Variants in MAST4 observed in about 807,000 individuals in gnomAD.
The protein encoded by MAST4 is microtubule associated serine/threonine kinase family member 4, also known as microtubule-associated serine/threonine-protein kinase 4.
MAST4 carries 89 observed loss-of-function variants against 162.7 expected under a neutral mutation model. The observed-to-expected ratio is 0.55, with a 90% CI of 0.46 to 0.65. MAST4 has a LOEUF of 0.65. MAST4 is among the 30% of genes least tolerant of loss of function. The pLI, the probability that MAST4 is intolerant of heterozygous loss-of-function variation, is 0.00. For missense variants in MAST4, 3,153 were observed against 3,374.0 expected (o/e 0.93, Z 1.62); for synonymous variants, 1,479 against 1,361.1 (o/e 1.09, Z -1.91).
intron 1 of MAST4, among the ~76,000 whole-genome samples, chr5:66,641,868 G>C (rs952245224): frequency 6.6e-6 from 1 of 152,110 alleles, no homozygotes; most frequent in Non-Finnish European, 1.5e-5. Context: ...TGAAGGATTG[G>C]CTTGTTACTT....
At chr5:66,803,241 C>G (rs879691197) in intron 3 of MAST4, among the ~76,000 whole-genome samples, 1 of 152,116 alleles carries the variant, frequency 6.6e-6, no homozygotes, top group Admixed American at 6.6e-5. Context: ...ATTTTGTAGT[C>G]GGTCAATCCA....
At chr5:67,121,619 G>A (rs1204834970) in intron 14 of MAST4, among the ~76,000 whole-genome samples, 2 of 150,888 alleles carry the variant, frequency 1.3e-5, no homozygotes, top group African/African-American at 4.9e-5. Flanking sequence ...CACACTGGGA[G>A]AAGAACTGTC....
intron 1 of MAST4, among the ~76,000 whole-genome samples, chr5:66,634,778 G>T (rs1011089096): frequency 6.6e-6 from 1 of 152,346 alleles, no homozygotes; most frequent in South Asian, 2.1e-4. Flanking sequence ...GTTGGGCTGG[G>T]CCCAAGGTAG....
chr5:66,824,496 A>G (rs1030536494), intron 3 of MAST4, among the ~76,000 whole-genome samples: 2 of 152,240 alleles, frequency 1.3e-5, no homozygotes, highest in Admixed American at 1.3e-4. Flanking sequence ...GGCCAGTGGA[A>G]TGGAGTGGGA....
chr5:66,701,069 TTAAG>T (rs1156306795), intron 1 of MAST4, among the ~76,000 whole-genome samples: 5 of 152,176 alleles, frequency 3.3e-5, no homozygotes, highest in Non-Finnish European at 7.4e-5. Context: ...ATTAATGTAA[TTAAG>T]TAATTACCAA....
chr5:66,640,014 T>C (rs1745382558), intron 1 of MAST4, among the ~76,000 whole-genome samples: 1 of 152,206 alleles, frequency 6.6e-6, no homozygotes, highest in African/African-American at 2.4e-5. Context: ...ATAGTCCCCA[T>C]GCTGTACATT....
At chr5:66,922,357 A>G (rs1764596506) in intron 4 of MAST4, among the ~76,000 whole-genome samples, 1 of 152,240 alleles carries the variant, frequency 6.6e-6, no homozygotes, top group African/African-American at 2.4e-5. Context: ...AAAGAGAAAT[A>G]GCCTCTTTCC....
chr5:66,826,901 G>C (rs1757289812), intron 3 of MAST4, among the ~76,000 whole-genome samples: 1 of 152,158 alleles, frequency 6.6e-6, no homozygotes. Flanking sequence ...TTGACATTCA[G>C]GGAACTTTCT....
chr5:66,930,576 A>G (rs1402558632), intron 4 of MAST4, among the ~76,000 whole-genome samples: 1 of 152,210 alleles, frequency 6.6e-6, no homozygotes, highest in Admixed American at 6.5e-5. Context: ...AAGTATATCA[A>G]TGAGGAGTAT....
rs755763678 is a variant in MAST4, at chr5:67,165,582, C to T, written c.6403C>T (p.Pro2135Ser). 6.2e-7 allele frequency: 1 copy of T among 1,613,890 alleles called. No individual in the cohort carries two copies. The highest frequency in any genetic ancestry group is 8.5e-7 in the Non-Finnish European group (1 of 1,179,834). ...PLQRHPSSIPPPPLTAKDLSS... is the reference protein window; with the variant it reads ...PLQRHPSSIPSPPLTAKDLSS... ...ACAAAGGCATCCCAGCAGCATCCCT[C>T]CGCCCCCTCTGACGGCCAAAGACCT... Residue 2135 changes from proline to serine, a missense_variant, in exon 29 of 29, where the codon CCG (proline) becomes TCG (serine). Coordinates refer to ENST00000403625, the MANE Select transcript of MAST4 (RefSeq NM_001164664.2).
At chr5:66,688,576 C>A (rs1457612992) in intron 1 of MAST4, among the ~76,000 whole-genome samples, 1 of 152,150 alleles carries the variant, frequency 6.6e-6, no homozygotes, top group Non-Finnish European at 1.5e-5. Context: ...TATTCTGTTT[C>A]CTTGGACAAG....
rs982463778 is a variant in MAST4 at position 67,165,715 on chromosome 5, C to T, written c.6536C>T (p.Pro2179Leu). ...TAEPSSSPQDPPKPVAAHSES... is the reference protein window; with the variant it reads ...TAEPSSSPQDLPKPVAAHSES... ...GAGCCCAGCTCGAGCCCCCAGGACC[C>T]TCCCAAGCCTGTTGCTGCGCACAGT... Residue 2179 changes from proline (P) to leucine (L), a missense_variant, in exon 29 of 29, where the codon CCT (proline) becomes CTT (leucine). Transcript: ENST00000403625. 12 of 1,576,262 alleles carry T rather than the reference C, an allele frequency of 7.6e-6. No individual in the cohort carries two copies. Among genetic ancestry groups the T allele is most frequent in the Middle Eastern group, 1.7e-4 (1 of 6,034 alleles).
chr5:66,932,417 C>G (rs1659394847), intron 4 of MAST4, among the ~76,000 whole-genome samples: 1 of 152,112 alleles, frequency 6.6e-6, no homozygotes, highest in African/African-American at 2.4e-5. Flanking sequence ...GTGGAGGTGA[C>G]TGAGATCTCA....
At chr5:67,021,233 G>A (rs1204450104) in intron 4 of MAST4, among the ~76,000 whole-genome samples, 3 of 152,148 alleles carry the variant, frequency 2.0e-5, no homozygotes, top group African/African-American at 7.2e-5. Context: ...GTTGAAAGAG[G>A]TATCTTCATG....
At chr5:66,664,435 C>CAAAAAAAAAAAAA (rs58704256) in intron 1 of MAST4, among the ~76,000 whole-genome samples, 2 of 93,932 alleles carry the variant, frequency 2.1e-5, no homozygotes, top group African/African-American at 4.4e-5. Context: ...AACTCCATTT[C>CAAAAAAAAAAAAA]AAAAAAAAAA....
intron 2 of MAST4, among the ~76,000 whole-genome samples, chr5:66,764,714 T>C (rs1754010002): frequency 6.6e-6 from 1 of 152,156 alleles, no homozygotes; most frequent in African/African-American, 2.4e-5. Flanking sequence ...AGCTCTGCAA[T>C]GTGTTTGTAT....
chr5:66,753,171 T>A (rs957450076), intron 1 of MAST4, among the ~76,000 whole-genome samples: 1 of 152,074 alleles, frequency 6.6e-6, no homozygotes, highest in Non-Finnish European at 1.5e-5. Flanking sequence ...GGGAAACTTA[T>A]AGCACTAAAT....
rs749020981 is a variant in MAST4, at chr5:67,145,397, G to A, written c.3094+18G>A. ...CCTGTCAGGTAAGCCCCGGGCCATA[G>A]TGCCTGCTGTCCTCCTCACCACACT... On this transcript the variant is annotated intron_variant, in intron 23 of 28. Transcript: ENST00000403625. The A allele has an allele frequency of 5.0e-6, 8 of 1,604,038 alleles. No individual in the cohort carries two copies. The East Asian group carries it at 1.3e-4, about 27-fold the overall frequency.
chr5:66,930,351 C>A (rs1381102466), intron 4 of MAST4, among the ~76,000 whole-genome samples: 1 of 152,114 alleles, frequency 6.6e-6, no homozygotes, highest in Non-Finnish European at 1.5e-5. Flanking sequence ...ACTGTTGTTT[C>A]AGAAAGGTGA....
Sources: allele counts gnomAD v4.1 joint callset (sites outside exome capture counted in the v4.1 genomes callset), GRCh38; gene constraint gnomAD v4.1.1; transcripts MANE v1.5; gene names NCBI Gene and HGNC (gene_info 2026-07-23, HGNC 2026-07-21).